Variants in ATP8A1 observed in about 807,000 individuals in gnomAD.
ATP8A1 encodes the protein phospholipid-transporting ATPase IA.
A neutral mutation model predicts 177.7 loss-of-function variants in ATP8A1; 90 were observed. The ratio of observed to expected loss-of-function variants is 0.51; its 90% CI spans 0.43 to 0.60. ATP8A1 has a LOEUF of 0.60. Among genes scored for constraint, ATP8A1 ranks in the 20% least tolerant of loss-of-function variants. ATP8A1 has a pLI of 0.00. For synonymous variants in ATP8A1, 493 were observed against 485.9 expected (o/e 1.01, Z -0.19); for missense variants, 1,072 against 1,392.8 (o/e 0.77, Z 3.67).
intron 22 of ATP8A1, among the ~76,000 whole-genome samples, chr4:42,521,730 T>C (rs1426266915): frequency 6.6e-6 from 1 of 152,234 alleles, no homozygotes; most frequent in Non-Finnish European, 1.5e-5. Flanking sequence ...TGGATTACTC[T>C]CATATATATT....
At chr4:42,435,152 G>A (rs778256503) in intron 33 of ATP8A1, among the ~76,000 whole-genome samples, 7 of 152,262 alleles carry the variant, frequency 4.6e-5, no homozygotes, top group African/African-American at 1.7e-4. Context: ...TTGGCTGGGC[G>A]TGGTGGCTCA....
At chr4:42,458,885 T>G (rs1718772797) in intron 27 of ATP8A1, among the ~76,000 whole-genome samples, 1 of 152,226 alleles carries the variant, frequency 6.6e-6, no homozygotes. Context: ...CAATGAGTCC[T>G]CTGCTCCCAC....
intron 6 of ATP8A1, among the ~76,000 whole-genome samples, chr4:42,592,533 A>G (rs1734288681): frequency 1.3e-5 from 2 of 152,170 alleles, no homozygotes; most frequent in African/African-American, 4.8e-5. Flanking sequence ...TTCTATAATT[A>G]TGTCTCTAAG....
chr4:42,642,068 G>C (rs1740050290), intron 1 of ATP8A1, among the ~76,000 whole-genome samples: 1 of 151,762 alleles, frequency 6.6e-6, no homozygotes. Context: ...TTACAACTTT[G>C]GTAGGGACAT....
At chr4:42,570,729 G>A (rs879722654) in intron 14 of ATP8A1, among the ~76,000 whole-genome samples, 8 of 152,220 alleles carry the variant, frequency 5.3e-5, no homozygotes, top group Non-Finnish European at 8.8e-5. Flanking sequence ...TGGTGTCTAC[G>A]TGGTATCTGG....
chr4:42,515,241 C>T (rs1578086907), intron 22 of ATP8A1, among the ~76,000 whole-genome samples: 3 of 152,106 alleles, frequency 2.0e-5, no homozygotes, highest in Admixed American at 6.5e-5. Flanking sequence ...AATTTTAAAC[C>T]ACGAAATCAC....
chr4:42,546,266 T>C (rs1308740920), intron 19 of ATP8A1, among the ~76,000 whole-genome samples: 4 of 151,818 alleles, frequency 2.6e-5, no homozygotes, highest in Admixed American at 2.0e-4. Context: ...AAATGATGAG[T>C]TCATGTCCTT....
At chr4:42,444,421 C>T (rs1359474803) in intron 32 of ATP8A1, among the ~76,000 whole-genome samples, 157 bp downstream of exon 32, 1 of 152,184 alleles carries the variant, frequency 6.6e-6, no homozygotes, top group Non-Finnish European at 1.5e-5. Context: ...ACCTCCAGTT[C>T]TCCTTCCCCT....
At chr4:42,527,363 G>A (rs965785877) in intron 20 of ATP8A1, among the ~76,000 whole-genome samples, 1 of 152,198 alleles carries the variant, frequency 6.6e-6, no homozygotes, top group African/African-American at 2.4e-5. Context: ...CGTGTGGGAG[G>A]ACCCTGATGA....
chr4:42,607,525 C>A (rs943929865), intron 5 of ATP8A1, among the ~76,000 whole-genome samples: 2 of 152,086 alleles, frequency 1.3e-5, no homozygotes, highest in African/African-American at 2.4e-5. Context: ...CTCCTCTGAC[C>A]CGGCACAAAC....
chr4:42,523,243 A>G (rs1291795299), intron 21 of ATP8A1, among the ~76,000 whole-genome samples: 1 of 152,182 alleles, frequency 6.6e-6, no homozygotes, highest in Admixed American at 6.5e-5. Flanking sequence ...AGAAAAGAGT[A>G]GATGCATTGG....
At chr4:42,417,131 A>G (rs1360400898) in intron 35 of ATP8A1, among the ~76,000 whole-genome samples, 1 of 152,188 alleles carries the variant, frequency 6.6e-6, no homozygotes, top group Non-Finnish European at 1.5e-5. Context: ...TTGCTAAATA[A>G]ATAAGTGATG....
At chr4:42,423,079 A>G (rs936323142) in intron 34 of ATP8A1, among the ~76,000 whole-genome samples, 180 bp from the exon 35 acceptor site, 2 of 152,178 alleles carry the variant, frequency 1.3e-5, no homozygotes, top group Non-Finnish European at 2.9e-5. Context: ...TTATAGTTTT[A>G]AAAATAAATG....
intron 14 of ATP8A1, among the ~76,000 whole-genome samples, chr4:42,572,798 T>A (rs1055972877): frequency 6.6e-6 from 1 of 152,222 alleles, no homozygotes; most frequent in African/African-American, 2.4e-5. Flanking sequence ...GGTCTCACTA[T>A]CCACATCTTA....
In ATP8A1 at chr4:42,408,395, T is replaced by C. The variant is rs1712220373; in HGVS notation, c.*4521A>G. On this transcript the variant is annotated 3_prime_UTR_variant, in exon 37 of 37. Transcript: ENST00000381668. ...CAATTTTAAGTAATGGTAAAGTTTA[T>C]TTCATTTTTAATAACAATTAGAGGA... 1 of 152,246 alleles carries C rather than the reference T, an allele frequency of 6.6e-6. No individual in the cohort carries two copies. Among genetic ancestry groups the C allele is most frequent in the South Asian group, 2.1e-4 (1 of 4,836 alleles). 9.4% of individuals were successfully genotyped at this position (152,246 alleles called of 1,614,324 possible).
chr4:42,471,148 A>G (rs1720357143), intron 25 of ATP8A1, among the ~76,000 whole-genome samples: 2 of 152,358 alleles, frequency 1.3e-5, no homozygotes, highest in South Asian at 4.1e-4. Context: ...CTTGGAATGA[A>G]AACAGCAGCT....
At chr4:42,650,238 A>C (rs932890553) in intron 1 of ATP8A1, among the ~76,000 whole-genome samples, 2 of 152,248 alleles carry the variant, frequency 1.3e-5, no homozygotes, top group African/African-American at 4.8e-5. Context: ...TAATACACTT[A>C]TATCTCCAGA....
At position 42,507,799 on chromosome 4, in the gene ATP8A1, A is replaced by ACAAAAC. The variant is rs1560402922; in HGVS notation, c.1948-646_1948-645insGTTTTG. ...GCATTCTAAAAAAAAAAAAAAAAAA[A>ACAAAAC]AAAAAAAAAACATACAAACAGCTAT... On this transcript the variant is annotated intron_variant, in intron 22 of 36. Transcript: ENST00000381668. 4.2e-5 allele frequency among the ~76,000 whole-genome samples: 5 copies of ACAAAAC among 119,012 alleles called. No individual in the cohort carries two copies. The East Asian group carries it at 1.3e-3, about 32-fold the overall frequency. 78.1% of individuals were successfully genotyped at this position (119,012 alleles called of 152,430 possible). A position where few individuals can be genotyped will look rare whatever the true frequency, so the allele number is the denominator to read the frequency against.
At chr4:42,625,391 T>C (rs950650798) in intron 3 of ATP8A1, 2 of 393,596 alleles carry the variant, frequency 5.1e-6, no homozygotes. Flanking sequence ...AAATGAACAG[T>C]CCTTGCCACA....
Sources: allele counts gnomAD v4.1 joint callset (sites outside exome capture counted in the v4.1 genomes callset), GRCh38; gene constraint gnomAD v4.1.1; transcripts MANE v1.5; gene names NCBI Gene and HGNC (gene_info 2026-07-23, HGNC 2026-07-21).